FIBCD1: variants seen among roughly 807,000 people sequenced by gnomAD.
FIBCD1 encodes the protein fibrinogen C domain-containing protein 1.
A neutral mutation model predicts 45.1 loss-of-function variants in FIBCD1; 47 were observed. That is an observed-to-expected ratio of 1.04 (90% CI 0.82 to 1.33). FIBCD1 has a LOEUF of 1.33. Ranked by LOEUF, FIBCD1 falls within the 40% of genes most tolerant of loss-of-function variation. FIBCD1 has a pLI of 0.00. For synonymous variants in FIBCD1, 313 were observed against 308.1 expected (o/e 1.02, Z -0.17); for missense variants, 653 against 682.2 (o/e 0.96, Z 0.48).
chr9:130,905,162 G>A (rs1831902041), intron 6 of FIBCD1, 72 bp downstream of exon 6: 7 of 1,436,660 alleles, frequency 4.9e-6, no homozygotes, highest in Non-Finnish European at 6.6e-6. Flanking sequence ...ATTTTGGAGG[G>A]CAGGACCTCC....
chr9:130,910,060 G>A (rs917117813), intron 5 of FIBCD1, among the ~76,000 whole-genome samples: 1 of 152,370 alleles, frequency 6.6e-6, no homozygotes, highest in Non-Finnish European at 1.5e-5. Context: ...CGCTGTGGGA[G>A]CCCCTTTCTG....
intron 1 of FIBCD1, chr9:130,933,727 T>TGGGGGGGGGGGGGGGGGGGGGGGGGGGGG (rs1179362614): frequency 3.9e-5 from 2 of 51,492 alleles, no homozygotes; most frequent in Non-Finnish European, 3.4e-5. Flanking sequence ...GGCGGGCGGG[T>TGGGGGGGGGGGGGGGGGGGGGGGGGGGGG]GGGGGGGGGG....
rs542091233 is a variant in FIBCD1, at chr9:130,931,560, G to A, written c.73-1514C>T. On this transcript the variant is annotated intron_variant, in intron 1 of 6. Transcript: ENST00000372338. ...ACAAAAACGGAAACGAAGGGCAGGCGCGATAAAAAACTGTGTTGGCCAGAA... is the reference window on the plus strand; with the variant it reads ...ACAAAAACGGAAACGAAGGGCAGGCACGATAAAAAACTGTGTTGGCCAGAA... Among the ~76,000 whole-genome samples, 12 of 152,258 alleles carry A rather than the reference G, an allele frequency of 7.9e-5. 1 individual carries two copies. In the South Asian group the frequency reaches 1.7e-3, roughly 21 times the overall value.
At chr9:130,921,555 G>A (rs765073721) in intron 4 of FIBCD1, among the ~76,000 whole-genome samples, 1 of 152,152 alleles carries the variant, frequency 6.6e-6, no homozygotes, top group Admixed American at 6.5e-5. Flanking sequence ...CCCTCTAATC[G>A]CCCCTGAAGC....
chr9:130,921,109 C>A (rs1487395894), intron 4 of FIBCD1, among the ~76,000 whole-genome samples: 1 of 152,206 alleles, frequency 6.6e-6, no homozygotes, highest in Admixed American at 6.5e-5. Flanking sequence ...GCCCTGGGGA[C>A]AGGCTGCTGA....
Position 130,924,312 on chromosome 9 carries a change from GC to G in FIBCD1, c.636del (p.Leu213TrpfsTer37). The G allele has an allele frequency of 6.2e-7, 1 of 1,605,874 alleles. No homozygotes were observed. The highest frequency in any genetic ancestry group is 8.5e-7 in the Non-Finnish European group (1 of 1,177,610). ...DILDALQRDR[G>X]LGRPRNKADL... is the part of the protein sequence containing the mutation. ...TCGGCCTTGTTGCGGGGCCGGCCCA[GC>G]CCCCGGTCCCTCTGCAGGGCATCCA... On this transcript the variant is annotated frameshift_variant, in exon 3 of 7. Coordinates refer to ENST00000372338, the MANE Select transcript of FIBCD1 (RefSeq NM_032843.5). LOFTEE classifies it high-confidence loss of function.
Position 130,903,144 on chromosome 9 carries a change from G to T in FIBCD1, c.*920C>A, listed in dbSNP as rs1831864877. On this transcript the variant is annotated 3_prime_UTR_variant, in exon 7 of 7. Transcript: ENST00000372338. The stretch of plus-strand genomic sequence containing the variant: ...GAGTCCCTGGGAAATTGGTGGTGGG[G>T]GTTGTACAAGCCTCATCCCAGCCCT... The T allele has an allele frequency of 6.5e-6, 1 of 152,774 alleles. No individual in the cohort carries two copies. The highest frequency in any genetic ancestry group is 2.4e-5 in the African/African-American group (1 of 41,432). 9.5% of individuals were successfully genotyped at this position (152,774 alleles called of 1,614,324 possible).
intron 2 of FIBCD1, 61 bp downstream of exon 2, chr9:130,929,506 G>A: frequency 6.8e-7 from 1 of 1,471,704 alleles, no homozygotes. Flanking sequence ...CTGGCACATG[G>A]CAGCAGCAGC....
In FIBCD1 at chr9:130,929,674, C is replaced by T; in HGVS notation, c.445G>A (p.Ala149Thr). 2 of 1,602,600 alleles carry T rather than the reference C, an allele frequency of 1.2e-6. No individual in the cohort carries two copies. Among genetic ancestry groups the T allele is most frequent in the Non-Finnish European group, 1.7e-6 (2 of 1,175,382 alleles). Residue 149 changes from alanine to threonine, a missense_variant, in exon 2 of 7, where the codon GCC (alanine) becomes ACC (threonine). Ala to Thr is a moderately conservative substitution (Grantham distance 58, BLOSUM62 0). Transcript: ENST00000372338. ...TCCGTCTGCAGCTCTGAGGCTCGGG[C>T]CAGCAGCCGGGGCAGCTGGTCGGCC... ...TLADQLPRLL[A>T]RASELQTECM... is the part of the protein sequence containing the mutation.
At chr9:130,933,657 G>C (rs1425215758) in intron 1 of FIBCD1, among the ~76,000 whole-genome samples, 5 of 150,554 alleles carry the variant, frequency 3.3e-5, no homozygotes, top group Non-Finnish European at 7.4e-5. Context: ...CTCAGTTACA[G>C]GGTGACCTCT....
chr9:130,905,664 T>C (rs1004145922), intron 5 of FIBCD1, among the ~76,000 whole-genome samples: 2 of 152,174 alleles, frequency 1.3e-5, no homozygotes, highest in African/African-American at 4.8e-5. Context: ...TTTTCAAACG[T>C]TGGGGCTCTG....
At chr9:130,927,196 T>C (rs1381711881) in intron 2 of FIBCD1, among the ~76,000 whole-genome samples, 1 of 151,620 alleles carries the variant, frequency 6.6e-6, no homozygotes, top group East Asian at 1.9e-4. Context: ...TAAGCCCTGA[T>C]TGTGCCACTG....
rs539519773 is a variant in FIBCD1 at position 130,903,702 on chromosome 9, G to A, written c.*362C>T. On this transcript the variant is annotated 3_prime_UTR_variant, in exon 7 of 7. Coordinates refer to ENST00000372338, the MANE Select transcript of FIBCD1 (RefSeq NM_032843.5). ...CCCTGCTCTCTGTCCCCATAATGCC[G>A]GGTATTTGGCCGGGCAGGGCAGAGG... 5.0e-5 allele frequency: 20 copies of A among 402,492 alleles called. No individual in the cohort carries two copies. The highest frequency in any genetic ancestry group is 2.7e-4 in the African/African-American group (13 of 48,930). The allele number at this position is 402,492 out of a possible 1,614,324, so 24.9% of individuals were successfully genotyped here.
intron 5 of FIBCD1, among the ~76,000 whole-genome samples, chr9:130,911,428 G>A (rs987860845): frequency 4.6e-5 from 7 of 152,164 alleles, no homozygotes; most frequent in African/African-American, 7.2e-5. Context: ...GGGTGGGGCC[G>A]GGTCCTCCTC....
intron 2 of FIBCD1, among the ~76,000 whole-genome samples, chr9:130,925,668 G>C (rs1218593412): frequency 1.3e-5 from 2 of 152,174 alleles, no homozygotes; most frequent in Non-Finnish European, 2.9e-5. Flanking sequence ...CAAGCGCAAT[G>C]CTGTCCCCCA....
At position 130,924,337 on chromosome 9, in the gene FIBCD1, C is replaced by T. The variant is rs370700313; in HGVS notation, c.612G>A (p.Leu204=). 96 of 1,608,712 alleles carry T rather than the reference C, an allele frequency of 6.0e-5. No individual in the cohort carries two copies. Among genetic ancestry groups the T allele is most frequent in the African/African-American group, 5.6e-4 (42 of 75,040 alleles). ...AHLVNSVSDI[L]DALQRDRGLG... is the part of the protein sequence containing the mutation. ...GCCCCCGGTCCCTCTGCAGGGCATC[C>T]AGGATGTCGCTGACGGAGTTCACCA... The change falls in exon 3 of 7, where the codon CTG becomes CTA. Residue 204 remains leucine, a synonymous_variant. Transcript: ENST00000372338.
chr9:130,904,693 A>T (rs2133064397), intron 6 of FIBCD1, among the ~76,000 whole-genome samples: 1 of 152,234 alleles, frequency 6.6e-6, no homozygotes, highest in African/African-American at 2.4e-5. Context: ...GACCCAGCGG[A>T]CCCGAACCCC....
In FIBCD1 at chr9:130,904,148, G is replaced by A. The variant is rs377666709; in HGVS notation, c.1302C>T (p.Gly434=). Residue 434 remains glycine, a synonymous_variant, in exon 7 of 7, where the codon GGC becomes GGT. Transcript: ENST00000372338. ...AGCCGGTCCAGGAGGACCACTCCAC[G>A]CCGTCGGCATAGGAGGCGTGCGCAC... ...LRGAHASYAD[G]VEWSSWTGWQ... 67 of 1,613,406 alleles carry A rather than the reference G, an allele frequency of 4.2e-5. No individual in the cohort carries two copies. Among genetic ancestry groups the A allele is most frequent in the Admixed American group, 6.7e-5 (4 of 60,010 alleles).
intron 2 of FIBCD1, among the ~76,000 whole-genome samples, chr9:130,925,967 C>G (rs1382258391): frequency 1.3e-5 from 2 of 152,228 alleles, no homozygotes; most frequent in Non-Finnish European, 2.9e-5. Context: ...GTTTCCCTGT[C>G]AGTTTCCCCT....
Sources: gnomAD v4.1 joint callset for allele counts (sites outside exome capture counted in the v4.1 genomes callset) on GRCh38, gnomAD v4.1.1 for gene constraint, MANE v1.5 for transcripts, NCBI Gene and HGNC (gene_info 2026-07-23, HGNC 2026-07-21) for gene names.